PAK1: variants seen among roughly 807,000 people sequenced by gnomAD.
PAK1 encodes p21 (RAC1) activated kinase 1.
A neutral mutation model predicts 67.4 loss-of-function variants in PAK1; 29 were observed. That is an observed-to-expected ratio of 0.43 (90% CI 0.32 to 0.59). The LOEUF (loss-of-function observed/expected upper bound fraction) is 0.59. Among genes scored for constraint, PAK1 ranks in the 20% least tolerant of loss-of-function variants. The probability of loss-of-function intolerance (pLI) is 0.07; values close to 1 mark genes in which losing one functional copy is unlikely to be tolerated. For missense variants in PAK1, 337 were observed against 670.7 expected (o/e 0.50, Z 5.50); for synonymous variants, 223 against 237.4 (o/e 0.94, Z 0.56).
the PAK1 span, among the ~76,000 whole-genome samples, chr11:77,486,849 A>G: frequency 7.2e-6 from 1 of 138,462 alleles, no homozygotes; most frequent in African/African-American, 2.8e-5. Flanking sequence ...TGGGGTTCTA[A>G]GTAAACTTGA....
chr11:77,516,870 G>A, the PAK1 span, among the ~76,000 whole-genome samples: 1 of 150,944 alleles, frequency 6.6e-6, no homozygotes, highest in East Asian at 1.9e-4. Context: ...GCTGGATGCG[G>A]TAGCACATTC....
the PAK1 span, among the ~76,000 whole-genome samples, chr11:77,488,709 C>A: frequency 6.6e-5 from 10 of 151,780 alleles, no homozygotes; most frequent in Non-Finnish European, 1.0e-4. Flanking sequence ...AGAAAGAATT[C>A]ATGAGCTTGA....
the PAK1 span, among the ~76,000 whole-genome samples, chr11:77,522,613 G>A: frequency 6.6e-6 from 1 of 152,320 alleles, no homozygotes; most frequent in East Asian, 1.9e-4. Context: ...CTTATACACT[G>A]TGTTAGTGGG....
chr11:77,520,701 A>C, the PAK1 span, among the ~76,000 whole-genome samples: 3 of 152,188 alleles, frequency 2.0e-5, no homozygotes, highest in African/African-American at 7.2e-5. Context: ...AGGAAAAAGG[A>C]AAAAGAAGGC....
chr11:77,456,696 A>G (rs188755258), intron 1 of PAK1, among the ~76,000 whole-genome samples: 9 of 152,184 alleles, frequency 5.9e-5, no homozygotes, highest in Middle Eastern at 3.4e-3. Flanking sequence ...ACCTCATGTA[A>G]TCCTAATAAC....
At chr11:77,396,366 CTTA>C (rs1951829906) in intron 1 of PAK1, among the ~76,000 whole-genome samples, 1 of 152,196 alleles carries the variant, frequency 6.6e-6, no homozygotes, top group Middle Eastern at 3.2e-3. Context: ...TGAGTTATCA[CTTA>C]TAATAAGCTC....
intron 8 of PAK1, 97 bp downstream of exon 8, chr11:77,353,439 A>G: frequency 1.2e-6 from 1 of 807,888 alleles, no homozygotes; most frequent in South Asian, 1.5e-5. Context: ...AGAAAGAAGA[A>G]CAAGGTTTAT....
At chr11:77,508,493 T>C in the PAK1 span, among the ~76,000 whole-genome samples, 1 of 152,052 alleles carries the variant, frequency 6.6e-6, no homozygotes, top group African/African-American at 2.4e-5. Flanking sequence ...ATAGTTGATA[T>C]TAAACTATCA....
intron 1 of PAK1, among the ~76,000 whole-genome samples, chr11:77,472,249 T>G (rs1396914901): frequency 6.6e-6 from 1 of 152,224 alleles, no homozygotes. Flanking sequence ...AGGGAAAGTA[T>G]GGGAAGTTTT....
intron 14 of PAK1, among the ~76,000 whole-genome samples, chr11:77,324,264 C>G (rs1045385987): frequency 2.6e-5 from 4 of 151,172 alleles, no homozygotes; most frequent in African/African-American, 9.8e-5. Flanking sequence ...CCTCCGCCTC[C>G]TGGGTTCAAG....
At chr11:77,499,535 T>C in the PAK1 span, among the ~76,000 whole-genome samples, 2 of 152,206 alleles carry the variant, frequency 1.3e-5, no homozygotes, top group South Asian at 2.1e-4. Flanking sequence ...TAGTTCCTAC[T>C]CATCCTTCTA....
chr11:77,402,717 TG>T (rs1165594366), intron 1 of PAK1, among the ~76,000 whole-genome samples: 1 of 151,616 alleles, frequency 6.6e-6, no homozygotes, highest in East Asian at 1.9e-4. Flanking sequence ...AATCTCTGCC[TG>T]AACATGTCCT....
the PAK1 span, among the ~76,000 whole-genome samples, chr11:77,480,060 G>A: frequency 6.6e-6 from 1 of 152,220 alleles, no homozygotes; most frequent in South Asian, 2.1e-4. Context: ...GTTCCTTAAT[G>A]GTTCAGTGTG....
intron 5 of PAK1, among the ~76,000 whole-genome samples, chr11:77,360,254 G>C (rs1946604333): frequency 6.6e-6 from 1 of 152,102 alleles, no homozygotes; most frequent in Non-Finnish European, 1.5e-5. Flanking sequence ...CCAGCACAAA[G>C]CATAAGTTAA....
the PAK1 span, among the ~76,000 whole-genome samples, chr11:77,528,572 T>C: frequency 6.6e-6 from 1 of 152,144 alleles, no homozygotes; most frequent in Non-Finnish European, 1.5e-5. Context: ...CTCAAATTTC[T>C]GGCCTCAAGC....
chr11:77,350,793 A>G (rs1041577624), intron 8 of PAK1, among the ~76,000 whole-genome samples: 1 of 152,180 alleles, frequency 6.6e-6, no homozygotes. Context: ...CATACTGGCT[A>G]TAAAATAAGG....
upstream of PAK1, among the ~76,000 whole-genome samples, chr11:77,478,949 G>C (rs1958088704): frequency 6.6e-6 from 1 of 151,434 alleles, no homozygotes; most frequent in East Asian, 1.9e-4. Flanking sequence ...GCTGGGCGTG[G>C]TGGCAGGCGC....
chr11:77,374,233 T>A (rs922956144), intron 5 of PAK1, 95 bp downstream of exon 5: 1 of 758,944 alleles, frequency 1.3e-6, no homozygotes, highest in Non-Finnish European at 2.3e-6. Context: ...GTGACTAATA[T>A]GAGTGCCTCC....
At chr11:77,369,842 A>T (rs561402236) in intron 5 of PAK1, among the ~76,000 whole-genome samples, 1 of 152,204 alleles carries the variant, frequency 6.6e-6, no homozygotes, top group South Asian at 2.1e-4. Flanking sequence ...ACATCTACAG[A>T]TCCTCTCTGA....
Sources: gnomAD v4.1 joint callset for allele counts (sites outside exome capture counted in the v4.1 genomes callset) on GRCh38, gnomAD v4.1.1 for gene constraint, MANE v1.5 for transcripts, NCBI Gene and HGNC (gene_info 2026-07-23, HGNC 2026-07-21) for gene names.